The following RBM20 variants were observed in gnomAD, a reference collection of about 807,000 sequenced individuals.
RBM20 encodes the protein RNA binding motif protein 20.
Under a neutral mutation model 110.1 loss-of-function variants are expected in RBM20, and 51 were observed. The ratio of observed to expected loss-of-function variants is 0.46; its 90% CI spans 0.37 to 0.59. The LOEUF is 0.59. Ranked by LOEUF, RBM20 falls within the 20% of genes least tolerant of loss-of-function variation. RBM20 has a pLI of 0.00. For synonymous variants in RBM20, 589 were observed against 618.2 expected (o/e 0.95, Z 0.70); for missense variants, 1,512 against 1,574.9 (o/e 0.96, Z 0.68).
intron 1 of RBM20, among the ~76,000 whole-genome samples, chr10:110,664,566 G>T (rs1322885177): frequency 6.6e-6 from 1 of 152,034 alleles, no homozygotes; most frequent in Non-Finnish European, 1.5e-5. Flanking sequence ...GACCAACGTG[G>T]TGAAAACCCG....
intron 1 of RBM20, among the ~76,000 whole-genome samples, chr10:110,749,788 C>T (rs1017459718): frequency 6.6e-6 from 1 of 151,880 alleles, no homozygotes; most frequent in Non-Finnish European, 1.5e-5. Context: ...CTTGAGACAA[C>T]TAGCTTTCTA....
chr10:110,781,253 G>A lies in RBM20; in HGVS notation c.644G>A (p.Gly215Asp). The stretch of plus-strand genomic sequence containing the variant: ...CCTGGCCAGCCAGCAGTCATCTTGG[G>A]CATTGGCAAGACTGGGCCTGCTCCA... Reference protein sequence around the residue: ...QTPGQPAVILGIGKTGPAPAT... With the variant: ...QTPGQPAVILDIGKTGPAPAT... Residue 215 changes from glycine (G) to aspartate (D), a missense_variant, in exon 2 of 14, where the codon GGC (glycine) becomes GAC (aspartate). Gly to Asp is a moderately conservative substitution (Grantham distance 94). This residue lies in a region of RBM20 where 1,149 missense variants were observed against 1,169.4 expected (regional missense o/e 0.98). Coordinates refer to ENST00000369519, the MANE Select transcript of RBM20 (RefSeq NM_001134363.3). 1 of 1,551,646 alleles carries A rather than the reference G, an allele frequency of 6.4e-7. No individual in the cohort carries two copies.
chr10:110,776,175 A>T (rs1844260399), intron 1 of RBM20, among the ~76,000 whole-genome samples: 1 of 152,090 alleles, frequency 6.6e-6, no homozygotes, highest in Non-Finnish European at 1.5e-5. Flanking sequence ...ACATTCCCAG[A>T]GGGTCTTTGG....
intron 5 of RBM20, among the ~76,000 whole-genome samples, chr10:110,796,670 T>C (rs1421770924): frequency 6.6e-6 from 1 of 152,246 alleles, no homozygotes; most frequent in Non-Finnish European, 1.5e-5. Context: ...GGAGGATGGC[T>C]TGAGCCCAGG....
At chr10:110,679,502 T>TCCTA (rs1862390724) in intron 1 of RBM20, among the ~76,000 whole-genome samples, 1 of 152,214 alleles carries the variant, frequency 6.6e-6, no homozygotes, top group African/African-American at 2.4e-5. Flanking sequence ...ATTAGAGGCA[T>TCCTA]GAGCCACCGT....
chr10:110,738,450 T>C (rs1002774068), intron 1 of RBM20, among the ~76,000 whole-genome samples: 4 of 152,156 alleles, frequency 2.6e-5, no homozygotes, highest in African/African-American at 9.7e-5. Context: ...TGGAATGTGA[T>C]GTTCCTTGCC....
At chr10:110,689,456 G>A (rs1242988345) in intron 1 of RBM20, among the ~76,000 whole-genome samples, 1 of 152,184 alleles carries the variant, frequency 6.6e-6, no homozygotes, top group Non-Finnish European at 1.5e-5. Context: ...GAAATCCATG[G>A]GCCAGCCTTC....
rs1284457662 is a variant in RBM20, at chr10:110,823,857, A to ACAGGT, written c.3451+244_3451+248dup. On this transcript the variant is annotated intron_variant, in intron 12 of 13. Coordinates refer to ENST00000369519, the MANE Select transcript of RBM20 (RefSeq NM_001134363.3). ...CTCAGCCTCCTGAGAAACTTGGACA[A>ACAGGT]CAGGTACACACCACCAGGCCCGGCT... Among the ~76,000 whole-genome samples, 48 of 151,666 alleles carry ACAGGT rather than the reference A, an allele frequency of 3.2e-4. 2 individuals carry two copies. The highest frequency in any genetic ancestry group is 2.9e-5 in the Non-Finnish European group (2 of 67,960).
intron 3 of RBM20, among the ~76,000 whole-genome samples, chr10:110,783,722 A>T (rs1844383789): frequency 6.6e-6 from 1 of 152,204 alleles, no homozygotes; most frequent in Non-Finnish European, 1.5e-5. Flanking sequence ...CATTTTTTTC[A>T]TTGTAGTCAA....
chr10:110,736,411 T>A (rs1216916628), intron 1 of RBM20, among the ~76,000 whole-genome samples: 1 of 152,226 alleles, frequency 6.6e-6, no homozygotes, highest in Non-Finnish European at 1.5e-5. Context: ...AACTAGGTAT[T>A]TTATTTTGTT....
intron 1 of RBM20, among the ~76,000 whole-genome samples, chr10:110,752,947 T>TATATATATATA (rs1564835271): frequency 2.1e-4 from 19 of 91,588 alleles, no homozygotes; most frequent in African/African-American, 6.6e-4. Context: ...ATATATATAT[T>TATATATATATA]TTTTTTTTTT....
intron 1 of RBM20, among the ~76,000 whole-genome samples, chr10:110,729,305 C>T (rs1444748280): frequency 2.0e-5 from 3 of 152,160 alleles, no homozygotes; most frequent in South Asian, 2.1e-4. Flanking sequence ...CTCTCTCCTG[C>T]GAGGGGTTGT....
chr10:110,814,213 A>G (rs1844811331), intron 9 of RBM20, among the ~76,000 whole-genome samples: 1 of 152,220 alleles, frequency 6.6e-6, no homozygotes, highest in Admixed American at 6.5e-5. Context: ...TCCAACATGT[A>G]TAGATGGAGT....
chr10:110,787,301 G>A (rs889515254), intron 5 of RBM20, among the ~76,000 whole-genome samples: 5 of 152,246 alleles, frequency 3.3e-5, no homozygotes, highest in African/African-American at 1.2e-4. Flanking sequence ...GCAAGGCTTG[G>A]GATAGATCCA....
intron 1 of RBM20, among the ~76,000 whole-genome samples, chr10:110,717,846 G>A (rs1456179734): frequency 2.0e-5 from 3 of 152,196 alleles, no homozygotes; most frequent in African/African-American, 7.2e-5. Context: ...GACCCAAAGC[G>A]CTCCATTGCA....
chr10:110,821,975 T>A, intron 11 of RBM20, 40 bp downstream of exon 11: 1 of 1,528,284 alleles, frequency 6.5e-7, no homozygotes, highest in East Asian at 2.5e-5. Context: ...TCGGGTTGAT[T>A]GGACTCCTGC....
intron 1 of RBM20, among the ~76,000 whole-genome samples, chr10:110,726,323 G>A (rs779253535): frequency 3.9e-5 from 6 of 152,148 alleles, no homozygotes; most frequent in East Asian, 1.9e-4. Flanking sequence ...TATTTTCTCC[G>A]TACTAGAGCA....
chr10:110,813,312 G>A lies in RBM20; in HGVS notation c.2550+365G>A, dbSNP rs116069744. ...ACTAGAAGTTAGGGTGGGACATCATGGAAAGGCCTGTAGTCCTGTTCGTCC... is the reference window on the plus strand; with the variant it reads ...ACTAGAAGTTAGGGTGGGACATCATAGAAAGGCCTGTAGTCCTGTTCGTCC... On this transcript the variant is annotated intron_variant, in intron 9 of 13. Transcript: ENST00000369519. Among the ~76,000 whole-genome samples, 1,280 of 152,328 alleles carry A rather than the reference G, an allele frequency of 8.4e-3. 23 individuals carry two copies. The highest frequency in any genetic ancestry group is 0.03 in the African/African-American group (1,233 of 41,566).
At position 110,644,368 on chromosome 10, in the gene RBM20, G is replaced by C. The variant is rs1489405180; in HGVS notation, c.-87G>C. 3 of 1,126,800 alleles carry C rather than the reference G, an allele frequency of 2.7e-6. No individual in the cohort carries two copies. In the South Asian group the frequency reaches 6.2e-5, roughly 23 times the overall value. 69.8% of individuals were successfully genotyped at this position (1,126,800 alleles called of 1,614,324 possible). On this transcript the variant is annotated 5_prime_UTR_variant, in exon 1 of 14. Coordinates refer to ENST00000369519, the MANE Select transcript of RBM20 (RefSeq NM_001134363.3). This position sits in a 1 kb window ranked among gnomAD's most constrained non-coding sequence, Gnocchi z 4.3. ...CGGGAAGGACAAGGGGACTGGGCACGGGGACCCCGGCCAGTGAGCGCCCGT... is the reference window on the plus strand; with the variant it reads ...CGGGAAGGACAAGGGGACTGGGCACCGGGACCCCGGCCAGTGAGCGCCCGT...
Sources: gnomAD v4.1 joint callset for allele counts (sites outside exome capture counted in the v4.1 genomes callset) on GRCh38, gnomAD v4.1.1 for gene constraint, gnomAD v4.1.1 regional missense constraint, Gnocchi (gnomAD v3.1) non-coding constraint, MANE v1.5 for transcripts, NCBI Gene and HGNC (gene_info 2026-07-23, HGNC 2026-07-21) for gene names.